NPAS3: variants seen among roughly 807,000 people sequenced by gnomAD.
NPAS3 encodes the protein neuronal PAS domain protein 3.
Under a neutral mutation model 73.1 loss-of-function variants are expected in NPAS3, and 14 were observed. The ratio of observed to expected loss-of-function variants is 0.19; its 90% CI spans 0.13 to 0.30. The LOEUF is 0.30. Ranked by LOEUF, NPAS3 falls within the 10% of genes least tolerant of loss-of-function variation. The probability of loss-of-function intolerance (pLI) is 1.00; values close to 1 mark genes in which losing one functional copy is unlikely to be tolerated. For missense variants in NPAS3, 1,096 were observed against 1,250.0 expected (o/e 0.88, Z 1.86); for synonymous variants, 620 against 541.5 (o/e 1.14, Z -2.01).
chr14:33,032,666 C>T (rs980499039), intron 1 of NPAS3, among the ~76,000 whole-genome samples: 1 of 152,194 alleles, frequency 6.6e-6, no homozygotes, highest in Non-Finnish European at 1.5e-5. Flanking sequence ...ACACGGACTC[C>T]CAGAGTTCCT....
At chr14:33,036,432 G>T (rs182427551) in intron 1 of NPAS3, among the ~76,000 whole-genome samples, 14 of 152,182 alleles carry the variant, frequency 9.2e-5, no homozygotes, top group African/African-American at 2.6e-4. Flanking sequence ...TACTGTAAAG[G>T]CCTTGGACCA....
chr14:33,685,739 T>G (rs1595437922), intron 6 of NPAS3, among the ~76,000 whole-genome samples: 1 of 152,250 alleles, frequency 6.6e-6, no homozygotes, highest in South Asian at 2.1e-4. Context: ...AATGATATAT[T>G]AATAGCTTTC....
chr14:33,452,861 A>G (rs951367387), intron 4 of NPAS3, among the ~76,000 whole-genome samples: 1 of 151,548 alleles, frequency 6.6e-6, no homozygotes, highest in African/African-American at 2.4e-5. Context: ...AGCATTGATC[A>G]TTAAATAAAA....
At chr14:33,775,250 A>G (rs1167513334) in intron 8 of NPAS3, among the ~76,000 whole-genome samples, 2 of 152,238 alleles carry the variant, frequency 1.3e-5, no homozygotes, top group Admixed American at 6.5e-5. Flanking sequence ...AGAGGAAACC[A>G]TGGGGTGCAG....
At chr14:33,651,303 T>C (rs1339037877) in intron 5 of NPAS3, among the ~76,000 whole-genome samples, 1 of 152,182 alleles carries the variant, frequency 6.6e-6, no homozygotes, top group Non-Finnish European at 1.5e-5. Context: ...CACAGATCTG[T>C]CTTCTTCCTG....
At chr14:33,727,620 GA>G (rs1021954458) in intron 6 of NPAS3, among the ~76,000 whole-genome samples, 18 of 150,620 alleles carry the variant, frequency 1.2e-4, no homozygotes, top group African/African-American at 3.9e-4. Flanking sequence ...AAAAAAAAGA[GA>G]AAAGAAAAAG....
chr14:33,446,333 G>A (rs11850862), intron 4 of NPAS3, among the ~76,000 whole-genome samples: 19,681 of 150,922 alleles, frequency 0.13, 1,573 homozygotes, highest in African/African-American at 0.23. Context: ...CCGCCACCGC[G>A]CCCGGCTAAT....
intron 6 of NPAS3, among the ~76,000 whole-genome samples, chr14:33,706,470 A>G (rs559985549): frequency 6.6e-6 from 1 of 152,304 alleles, no homozygotes. Context: ...ACCAAACACC[A>G]TGCCTTCCCC....
exon 12 of NPAS3, chr14:33,801,080 G>A: frequency 6.3e-7 from 1 of 1,591,238 alleles, no homozygotes; most frequent in Non-Finnish European, 8.6e-7. Flanking sequence ...CATCCACGCG[G>A]CACAGACTCT....
intron 1 of NPAS3, among the ~76,000 whole-genome samples, chr14:32,977,237 T>C (rs1325456326): frequency 6.6e-6 from 1 of 152,106 alleles, no homozygotes; most frequent in Non-Finnish European, 1.5e-5. Flanking sequence ...TCATATTTTT[T>C]ATTATTTAAA....
At chr14:33,742,620 G>C (rs1253218124) in intron 7 of NPAS3, among the ~76,000 whole-genome samples, 1 of 152,186 alleles carries the variant, frequency 6.6e-6, no homozygotes, top group Non-Finnish European at 1.5e-5. Flanking sequence ...GGTGGTGGTT[G>C]CTGAAGGTTG....
intron 9 of NPAS3, among the ~76,000 whole-genome samples, chr14:33,789,666 G>A (rs903154965): frequency 7.0e-4 from 97 of 139,174 alleles, no homozygotes; most frequent in Middle Eastern, 4.0e-3. Flanking sequence ...TCGGCTCACT[G>A]CAAGCTCCGC....
chr14:33,156,686 G>A (rs536044998), intron 2 of NPAS3, among the ~76,000 whole-genome samples: 1 of 152,076 alleles, frequency 6.6e-6, no homozygotes, highest in Admixed American at 6.6e-5. Flanking sequence ...AGAAAGAAAT[G>A]GATTATATTT....
intron 1 of NPAS3, among the ~76,000 whole-genome samples, chr14:32,996,129 G>A (rs949515873): frequency 6.6e-5 from 10 of 152,190 alleles, no homozygotes; most frequent in Non-Finnish European, 1.0e-4. Context: ...TTATGTTTTA[G>A]CAAAGAGACT....
intron 4 of NPAS3, among the ~76,000 whole-genome samples, chr14:33,369,362 G>A (rs1439094436): frequency 7.8e-6 from 1 of 128,424 alleles, no homozygotes; most frequent in Non-Finnish European, 1.6e-5. Flanking sequence ...TGACTTAAAA[G>A]GGGCATCAAT....
intron 4 of NPAS3, among the ~76,000 whole-genome samples, chr14:33,486,800 T>G (rs1422402505): frequency 6.6e-6 from 1 of 152,176 alleles, no homozygotes; most frequent in African/African-American, 2.4e-5. Flanking sequence ...ACCTAACCTT[T>G]AAACTATTAG....
intron 1 of NPAS3, among the ~76,000 whole-genome samples, chr14:32,973,837 ATAT>A (rs1345908078): frequency 6.6e-6 from 1 of 152,136 alleles, no homozygotes; most frequent in Non-Finnish European, 1.5e-5. Context: ...ATGCCTGGCC[ATAT>A]TTTGAATTTT....
intron 1 of NPAS3, among the ~76,000 whole-genome samples, chr14:33,040,492 A>G (rs2040315802): frequency 6.6e-6 from 1 of 152,222 alleles, no homozygotes; most frequent in Admixed American, 6.5e-5. Context: ...TTTGGTTAGC[A>G]CTATTGAAAA....
At chr14:33,333,693 C>T (rs368473534) in intron 3 of NPAS3, among the ~76,000 whole-genome samples, 33 of 152,176 alleles carry the variant, frequency 2.2e-4, no homozygotes, top group African/African-American at 3.4e-4. Flanking sequence ...AGCCTCCAAA[C>T]AGTTAAGAAG....
Sources: allele counts gnomAD v4.1 joint callset (sites outside exome capture counted in the v4.1 genomes callset), GRCh38; gene constraint gnomAD v4.1.1; transcripts MANE v1.5; gene names NCBI Gene and HGNC (gene_info 2026-07-23, HGNC 2026-07-21).